The following EIF3H variants were observed in gnomAD, a reference collection of about 807,000 sequenced individuals.
The protein encoded by EIF3H is eukaryotic translation initiation factor 3 subunit H, also known as eIF-3-gamma.
In EIF3H, 26 loss-of-function variants were observed where a neutral mutation model predicts 44.2. The ratio of observed to expected loss-of-function variants is 0.59; its 90% CI spans 0.43 to 0.82. The LOEUF is 0.82. Ranked by LOEUF, EIF3H falls within the 40% of genes least tolerant of loss-of-function variation. The pLI is 0.00. For synonymous variants in EIF3H, 166 were observed against 151.9 expected, an observed-to-expected ratio of 1.09 and a Z score of -0.68; for missense variants, 359 against 432.8, an observed-to-expected ratio of 0.83 and a Z score of 1.51.
intron 2 of EIF3H, among the ~76,000 whole-genome samples, chr8:116,693,347 T>C (rs1449407159): frequency 6.6e-6 from 1 of 152,232 alleles, no homozygotes; most frequent in Non-Finnish European, 1.5e-5. Context: ...TGAGGAGTGC[T>C]ACTCTTCAGG....
chr8:116,694,406 G>T (rs1814232276), intron 2 of EIF3H, among the ~76,000 whole-genome samples: 1 of 152,174 alleles, frequency 6.6e-6, no homozygotes, highest in South Asian at 2.1e-4. Context: ...CTTTTCTTGT[G>T]AACTGTCTAA....
At chr8:116,661,998 C>T (rs1467819682) in intron 2 of EIF3H, among the ~76,000 whole-genome samples, 2 of 152,178 alleles carry the variant, frequency 1.3e-5, no homozygotes, top group South Asian at 2.1e-4. Flanking sequence ...TTTCCATTTC[C>T]TCTTCCATGG....
intron 2 of EIF3H, among the ~76,000 whole-genome samples, chr8:116,717,575 A>T (rs1381888144): frequency 6.6e-6 from 1 of 152,200 alleles, no homozygotes; most frequent in African/African-American, 2.4e-5. Context: ...AACAGAATAG[A>T]GAACCCAGAA....
chr8:116,670,429 T>A (rs1317271), intron 2 of EIF3H, among the ~76,000 whole-genome samples: 129,603 of 152,078 alleles, frequency 0.85, 55,399 homozygotes, highest in Non-Finnish European at 0.89. Context: ...TTCAGAGAAA[T>A]CTCCAGCTTT....
At chr8:116,744,228 AC>A (rs1490486241) in intron 1 of EIF3H, among the ~76,000 whole-genome samples, 44 of 150,944 alleles carry the variant, frequency 2.9e-4, no homozygotes, top group African/African-American at 8.3e-4. Flanking sequence ...AAAAAAAAAA[AC>A]AAACAGTAAG....
chr8:116,676,780 T>C (rs1480616123), intron 2 of EIF3H, among the ~76,000 whole-genome samples: 2 of 152,182 alleles, frequency 1.3e-5, no homozygotes, highest in African/African-American at 4.8e-5. Flanking sequence ...TCCCCAAAAT[T>C]CAGGTTCAGT....
intron 2 of EIF3H, among the ~76,000 whole-genome samples, chr8:116,707,940 T>C (rs538179044): frequency 3.5e-4 from 53 of 152,314 alleles, no homozygotes; most frequent in African/African-American, 1.3e-3. Flanking sequence ...TGCCTTTGTC[T>C]GTTATATAAA....
intron 4 of EIF3H, among the ~76,000 whole-genome samples, chr8:116,656,290 C>G (rs1173916954): frequency 3.3e-5 from 5 of 152,142 alleles, no homozygotes; most frequent in Admixed American, 6.6e-5. Flanking sequence ...TAAAATTTCA[C>G]TGATACTAAA....
At position 116,644,737 on chromosome 8, in the gene EIF3H, C is replaced by G; in HGVS notation, c.*269G>C. 2.9e-6 allele frequency: 1 copy of G among 347,414 alleles called. No homozygotes were observed. Among genetic ancestry groups the G allele is most frequent in the Non-Finnish European group, 5.3e-6 (1 of 189,612 alleles). The allele number at this position is 347,414 out of a possible 1,614,324, so 21.5% of individuals were successfully genotyped here. ...TATAGGTTTCTGCCTGGTGAAACTT[C>G]CGGTCAGGGCTTGTTTTAGCTTTTA... On this transcript the variant is annotated 3_prime_UTR_variant, in exon 8 of 8. Transcript: ENST00000521861.
At position 116,644,686 on chromosome 8, in the gene EIF3H, TGA is replaced by T. The variant is rs1813271409; in HGVS notation, c.*318_*319del. On this transcript the variant is annotated 3_prime_UTR_variant, in exon 8 of 8. Coordinates refer to ENST00000521861, the MANE Select transcript of EIF3H (RefSeq NM_003756.3). ...GAGAAGTGGGTTGAAAGGTGGCACC[TGA>T]GAGGCAGCAAAAGTGGTGGAGCCTA... is the stretch of plus-strand genomic sequence containing the variant. 1 of 234,090 alleles carries T rather than the reference TGA, an allele frequency of 4.3e-6. No homozygotes were observed. The highest frequency in any genetic ancestry group is 2.3e-5 in the African/African-American group (1 of 44,440). 14.5% of individuals were successfully genotyped at this position (234,090 alleles called of 1,614,324 possible). A position where few individuals can be genotyped will look rare whatever the true frequency, so the allele number is the denominator to read the frequency against.
At chr8:116,725,159 T>C (rs559422872) in intron 2 of EIF3H, among the ~76,000 whole-genome samples, 37 of 152,336 alleles carry the variant, frequency 2.4e-4, no homozygotes, top group African/African-American at 7.5e-4. Context: ...TAGGACATTA[T>C]GCTAAATAAC....
intron 1 of EIF3H, among the ~76,000 whole-genome samples, chr8:116,753,720 T>C (rs1815396047): frequency 6.6e-6 from 1 of 152,246 alleles, no homozygotes. Flanking sequence ...ACAATCCCTC[T>C]TAAAGCTGCC....
chr8:116,765,914 AC>A (rs1453302006), exon 1 of EIF3H: 1 of 152,152 alleles, frequency 6.6e-6, no homozygotes, highest in Non-Finnish European at 1.5e-5. Flanking sequence ...AAATGGTGGC[AC>A]CCTTTGCCCT....
chr8:116,657,951 A>C (rs928544165), intron 3 of EIF3H, among the ~76,000 whole-genome samples: 1 of 152,248 alleles, frequency 6.6e-6, no homozygotes, highest in Non-Finnish European at 1.5e-5. Flanking sequence ...TATTCGCCTA[A>C]AACCTGTGTT....
chr8:116,676,498 CACTA>C (rs1470265124), intron 2 of EIF3H, among the ~76,000 whole-genome samples: 1 of 152,196 alleles, frequency 6.6e-6, no homozygotes, highest in African/African-American at 2.4e-5. Context: ...CCTGAGAACT[CACTA>C]ACTCTCATGA....
chr8:116,680,197 GT>G (rs533864992), intron 2 of EIF3H, among the ~76,000 whole-genome samples: 1 of 32,760 alleles, frequency 3.1e-5, no homozygotes, highest in Non-Finnish European at 9.7e-5. Context: ...TTCCGGGAGG[GT>G]GGGGGGGGGG....
intron 2 of EIF3H, among the ~76,000 whole-genome samples, chr8:116,661,121 G>A (rs972247464): frequency 3.3e-5 from 5 of 152,132 alleles, no homozygotes; most frequent in East Asian, 1.9e-4. Flanking sequence ...CTTCTGTTTC[G>A]AAATTCCATA....
At chr8:116,654,660 T>C (rs1813458258) in intron 5 of EIF3H, among the ~76,000 whole-genome samples, 1 of 152,210 alleles carries the variant, frequency 6.6e-6, no homozygotes, top group Non-Finnish European at 1.5e-5. Context: ...AGTCAAACAG[T>C]ATGCTTTTTG....
intron 2 of EIF3H, among the ~76,000 whole-genome samples, chr8:116,677,756 A>G (rs769784105): frequency 6.6e-6 from 1 of 152,200 alleles, no homozygotes; most frequent in African/African-American, 2.4e-5. Context: ...CTCAGTTACC[A>G]AGCTCATGTT....
Sources: gnomAD v4.1 joint callset for allele counts (sites outside exome capture counted in the v4.1 genomes callset) on GRCh38, gnomAD v4.1.1 for gene constraint, MANE v1.5 for transcripts, NCBI Gene and HGNC (gene_info 2026-07-23, HGNC 2026-07-21) for gene names.